The following NARS2 variants were observed in gnomAD, a reference collection of about 807,000 sequenced individuals.
NARS2 encodes the protein asparaginyl-tRNA synthetase 2, mitochondrial, also known as asparaginyl-tRNA synthetase.
Under a neutral mutation model 62.9 loss-of-function variants are expected in NARS2, and 60 were observed. The observed-to-expected ratio is 0.95, with a 90% CI of 0.77 to 1.18. NARS2 has a LOEUF of 1.18. Ranked by LOEUF, NARS2 falls within the 50% of genes most tolerant of loss-of-function variation. NARS2 has a pLI of 0.00. For missense variants in NARS2, 619 were observed against 576.4 expected (o/e 1.07, Z -0.76); for synonymous variants, 196 against 200.0 (o/e 0.98, Z 0.17).
chr11:78,544,496 T>A (rs1461156558), intron 5 of NARS2, among the ~76,000 whole-genome samples: 1 of 152,124 alleles, frequency 6.6e-6, no homozygotes, highest in Non-Finnish European at 1.5e-5. Flanking sequence ...GGAACTCTTA[T>A]CAAGAATGAG....
intron 5 of NARS2, among the ~76,000 whole-genome samples, chr11:78,541,968 A>G (rs1855637834): frequency 6.6e-6 from 1 of 152,206 alleles, no homozygotes; most frequent in Non-Finnish European, 1.5e-5. Context: ...TTAACAAGCC[A>G]TATATGTAGG....
chr11:78,440,636 G>A (rs1328388151), intron 13 of NARS2, among the ~76,000 whole-genome samples: 8 of 151,552 alleles, frequency 5.3e-5, no homozygotes, highest in Non-Finnish European at 8.8e-5. Context: ...AGGTTCAAGC[G>A]ATTCTCCTGC....
chr11:78,443,101 A>G (rs967257403), intron 12 of NARS2, among the ~76,000 whole-genome samples: 3 of 152,054 alleles, frequency 2.0e-5, no homozygotes, highest in Non-Finnish European at 4.4e-5. Flanking sequence ...TGAGGCGGGC[A>G]GATCACGAGG....
At chr11:78,543,825 G>T (rs1404823020) in intron 5 of NARS2, among the ~76,000 whole-genome samples, 1 of 152,040 alleles carries the variant, frequency 6.6e-6, no homozygotes, top group African/African-American at 2.4e-5. Context: ...GAGGTCAAGA[G>T]ATTGAGACCA....
rs143606824 is a variant in NARS2 at position 78,528,895 on chromosome 11, A to G, written c.636T>C (p.Asn212=). 73 of 1,612,984 alleles carry G rather than the reference A, an allele frequency of 4.5e-5. No individual in the cohort carries two copies. The highest frequency in any genetic ancestry group is 5.4e-5 in the Non-Finnish European group (64 of 1,179,562). Residue 212 remains asparagine (N), a synonymous_variant, in exon 6 of 14, where the codon AAT becomes AAC. Coordinates refer to ENST00000281038, the MANE Select transcript of NARS2 (RefSeq NM_024678.6). ...KLKVPEENFF[N]VPAFLTVSGQ... is the part of the protein sequence containing the mutation. The stretch of plus-strand genomic sequence containing the variant: ...CTGAGACAGTTAAGAAAGCAGGAAC[A>G]TTGAAGAAATTCTCCTCAGGTACCT...
At chr11:78,567,567 A>G (rs541047977) in intron 3 of NARS2, among the ~76,000 whole-genome samples, 130 of 152,286 alleles carry the variant, frequency 8.5e-4, no homozygotes, top group Non-Finnish European at 9.0e-4. Flanking sequence ...AAACAAAAAG[A>G]AAAATGGTTA....
chr11:78,541,309 T>C (rs1054373153), intron 5 of NARS2, among the ~76,000 whole-genome samples: 11 of 151,954 alleles, frequency 7.2e-5, no homozygotes, highest in Admixed American at 7.2e-4. Context: ...TCTAGTACAA[T>C]CACCTTTCCA....
intron 6 of NARS2, among the ~76,000 whole-genome samples, chr11:78,509,145 C>T (rs955496118): frequency 6.6e-6 from 1 of 151,432 alleles, no homozygotes; most frequent in Non-Finnish European, 1.5e-5. Context: ...TCAACAGATT[C>T]CTCATCAGAA....
chr11:78,450,831 C>G (rs908233017), intron 11 of NARS2, among the ~76,000 whole-genome samples: 5 of 151,992 alleles, frequency 3.3e-5, no homozygotes, highest in Admixed American at 3.3e-4. Context: ...CATGCCACCA[C>G]GCCTGGCTAA....
At chr11:78,496,310 A>G in intron 6 of NARS2, among the ~76,000 whole-genome samples, 1 of 152,180 alleles carries the variant, frequency 6.6e-6, no homozygotes, top group East Asian at 1.9e-4. Flanking sequence ...TAGTAGTACT[A>G]GTGGTTACCA....
chr11:78,554,150 T>C (rs1856239178), intron 5 of NARS2, among the ~76,000 whole-genome samples: 2 of 152,216 alleles, frequency 1.3e-5, no homozygotes, highest in East Asian at 1.9e-4. Flanking sequence ...AGCCTTGTAG[T>C]ATAGTTGGGT....
intron 5 of NARS2, among the ~76,000 whole-genome samples, chr11:78,546,092 C>T (rs1365880065): frequency 1.3e-5 from 2 of 152,152 alleles, no homozygotes; most frequent in African/African-American, 2.4e-5. Context: ...GAGTCTCTCA[C>T]ATGGTTTCAG....
chr11:78,529,928 T>C (rs985788556), intron 5 of NARS2, among the ~76,000 whole-genome samples: 15 of 152,218 alleles, frequency 9.9e-5, no homozygotes, highest in African/African-American at 3.4e-4. Flanking sequence ...ATGGAGAATG[T>C]AAGACTCTTT....
intron 6 of NARS2, among the ~76,000 whole-genome samples, chr11:78,515,333 G>T (rs1337885676): frequency 6.6e-6 from 1 of 152,146 alleles, no homozygotes; most frequent in Non-Finnish European, 1.5e-5. Context: ...TGTGACACAG[G>T]TTGGGAGGTC....
At chr11:78,544,106 A>C (rs1386850853) in intron 5 of NARS2, among the ~76,000 whole-genome samples, 2 of 151,950 alleles carry the variant, frequency 1.3e-5, no homozygotes, top group Admixed American at 6.6e-5. Flanking sequence ...TGTGTAAATC[A>C]CTATCTGTCC....
In NARS2 at chr11:78,538,927, G is replaced by A. The variant is rs549934154; in HGVS notation, c.595-9991C>T. ...GGAGAATGGCGTGAACCTGGGAGGC[G>A]GAGCTTGCAGTGAGCCGAGATCGCG... On this transcript the variant is annotated intron_variant, in intron 5 of 13. Transcript: ENST00000281038. 7.5e-5 allele frequency among the ~76,000 whole-genome samples: 11 copies of A among 145,894 alleles called. No homozygotes were observed. The East Asian group carries it at 1.3e-3, about 17-fold the overall frequency.
At chr11:78,462,869 A>ATCTAC (rs142939960) in intron 11 of NARS2, among the ~76,000 whole-genome samples, 2,358 of 152,262 alleles carry the variant, frequency 0.015, 51 homozygotes, top group African/African-American at 0.054. Flanking sequence ...GTGGGCCCTA[A>ATCTAC]TCTACATTTT....
At position 78,544,687 on chromosome 11, in the gene NARS2, G is replaced by A. The variant is rs192235642; in HGVS notation, c.594+14852C>T. Among the ~76,000 whole-genome samples, 298 of 151,694 alleles carry A rather than the reference G, an allele frequency of 2.0e-3. 1 individual carries two copies. Among genetic ancestry groups the A allele is most frequent in the African/African-American group, 6.4e-3 (264 of 41,344 alleles). On this transcript the variant is annotated intron_variant, in intron 5 of 13. Coordinates refer to ENST00000281038, the MANE Select transcript of NARS2 (RefSeq NM_024678.6). Reference sequence around the variant, plus strand: ...TGGGTGCCTGTAGTCCCAGCTACTCGGGAGGCTGAGGCAGGAGAACGGCGT... The same window carrying A: ...TGGGTGCCTGTAGTCCCAGCTACTCAGGAGGCTGAGGCAGGAGAACGGCGT...
At chr11:78,497,681 A>G (rs1366037458) in intron 6 of NARS2, among the ~76,000 whole-genome samples, 2 of 152,146 alleles carry the variant, frequency 1.3e-5, no homozygotes, top group African/African-American at 2.4e-5. Context: ...ATACTGTGAT[A>G]TATTTTGCAT....
Sources: gnomAD v4.1 joint callset for allele counts (sites outside exome capture counted in the v4.1 genomes callset) on GRCh38, gnomAD v4.1.1 for gene constraint, MANE v1.5 for transcripts, NCBI Gene and HGNC (gene_info 2026-07-23, HGNC 2026-07-21) for gene names.